Variants in JPH1 observed in about 807,000 individuals in gnomAD.
JPH1 encodes junctophilin 1.
Under a neutral mutation model 53.6 loss-of-function variants are expected in JPH1, and 12 were observed. The ratio of observed to expected loss-of-function variants is 0.22; its 90% confidence interval spans 0.14 to 0.36. The LOEUF (loss-of-function observed/expected upper bound fraction) is 0.36. JPH1 is among the 10% of genes least tolerant of loss of function. JPH1 has a pLI of 1.00. For missense variants in JPH1, 808 were observed against 905.5 expected (o/e 0.89, Z 1.38); for synonymous variants, 375 against 363.8 (o/e 1.03, Z -0.35).
rs751058709 is a variant in JPH1, at chr8:74,315,070, A to G, written c.930T>C (p.Asn310=). ...NGMKYEGEWA[N]NKRHGYGCTV... ...TACAGCCATATCCATGCCTCTTGTTATTTGCCCACTCCCCTTCATACTTCA... is the reference window on the plus strand; with the variant it reads ...TACAGCCATATCCATGCCTCTTGTTGTTTGCCCACTCCCCTTCATACTTCA... Residue 310 remains asparagine, a synonymous_variant, in exon 2 of 6, where the codon AAT becomes AAC. Coordinates refer to ENST00000342232, the MANE Select transcript of JPH1 (RefSeq NM_020647.4). The surrounding 1 kb of genome is among the most constrained non-coding windows in gnomAD (Gnocchi z 6.3). The G allele has an allele frequency of 3.1e-6, 5 of 1,613,958 alleles. No homozygotes were observed. The highest frequency in any genetic ancestry group is 4.2e-6 in the Non-Finnish European group (5 of 1,180,026).
In JPH1 at chr8:74,320,635, T is replaced by C. The variant is rs1439763172; in HGVS notation, c.379+274A>G. Reference sequence around the variant, plus strand: ...CTCCCTCCCGGTGGCAGCGCAGCGCTGGCGCCGGCCAGGTACATTCACGCC... The same window carrying C: ...CTCCCTCCCGGTGGCAGCGCAGCGCCGGCGCCGGCCAGGTACATTCACGCC... On this transcript the variant is annotated intron_variant, in intron 1 of 5. Transcript: ENST00000342232. The surrounding 1 kb of genome is among the most constrained non-coding windows in gnomAD (Gnocchi z 4.4). Among the ~76,000 whole-genome samples, 1 of 152,140 alleles carries C rather than the reference T, an allele frequency of 6.6e-6. No homozygotes were observed. Among genetic ancestry groups the C allele is most frequent in the East Asian group, 1.9e-4 (1 of 5,168 alleles).
intron 3 of JPH1, among the ~76,000 whole-genome samples, chr8:74,255,914 A>G (rs1408931751): frequency 6.6e-6 from 1 of 152,206 alleles, no homozygotes; most frequent in Non-Finnish European, 1.5e-5. Flanking sequence ...GAGGATGTGG[A>G]GAAATAGGAA....
chr8:74,321,493 C>T lies in JPH1; in HGVS notation c.-206G>A. Reference sequence around the variant, plus strand: ...CGCCACCGCCGCCTTCCTCCTCCTCCTCCTCCTCCTTCGCCGCCGCCGCCT... The same window carrying T: ...CGCCACCGCCGCCTTCCTCCTCCTCTTCCTCCTCCTTCGCCGCCGCCGCCT... On this transcript the variant is annotated 5_prime_UTR_variant, in exon 1 of 6. Coordinates refer to ENST00000342232, the MANE Select transcript of JPH1 (RefSeq NM_020647.4). The surrounding 1 kb of genome is among the most constrained non-coding windows in gnomAD (Gnocchi z 4.3). 1 of 488,630 alleles carries T rather than the reference C, an allele frequency of 2.0e-6. No individual in the cohort carries two copies. Among genetic ancestry groups the T allele is most frequent in the Non-Finnish European group, 3.4e-6 (1 of 291,350 alleles). The allele number at this position is 488,630 out of a possible 1,614,324, so 30.3% of individuals were successfully genotyped here.
intron 3 of JPH1, among the ~76,000 whole-genome samples, chr8:74,247,303 A>G (rs1805886775): frequency 6.6e-6 from 1 of 152,194 alleles, no homozygotes; most frequent in South Asian, 2.1e-4. Context: ...ACTGATATTC[A>G]ACTTCATAGC....
chr8:74,236,930 G>A lies in JPH1; in HGVS notation c.*121C>T, dbSNP rs1389632370. On this transcript the variant is annotated 3_prime_UTR_variant, in exon 6 of 6. Coordinates refer to ENST00000342232, the MANE Select transcript of JPH1 (RefSeq NM_020647.4). ...TCTCGCGATCCCATCCTAATTCCAA[G>A]CCTCCTTCCCTGTGTCTGAGTCTGC... 2 of 265,826 alleles carry A rather than the reference G, an allele frequency of 7.5e-6. No homozygotes were observed. Among genetic ancestry groups the A allele is most frequent in the Non-Finnish European group, 1.4e-5 (2 of 142,404 alleles). The allele number at this position is 265,826 out of a possible 1,614,324, so 16.5% of individuals were successfully genotyped here.
intron 2 of JPH1, among the ~76,000 whole-genome samples, chr8:74,274,097 C>G (rs1586750906): frequency 1.3e-5 from 2 of 152,284 alleles, no homozygotes; most frequent in East Asian, 3.9e-4. Context: ...CACCTTTTCC[C>G]TTTTTGACAT....
intron 2 of JPH1, among the ~76,000 whole-genome samples, chr8:74,292,170 TATA>T (rs1205604564): frequency 6.6e-6 from 1 of 152,062 alleles, no homozygotes; most frequent in Non-Finnish European, 1.5e-5. Context: ...AACTTAAAAG[TATA>T]ATAATAATAA....
chr8:74,258,592 T>C lies in JPH1; in HGVS notation c.1258+793A>G, dbSNP rs79095162. Among the ~76,000 whole-genome samples, 9 of 152,310 alleles carry C rather than the reference T, an allele frequency of 5.9e-5. No homozygotes were observed. In the East Asian group the frequency reaches 1.4e-3, roughly 23 times the overall value. On this transcript the variant is annotated intron_variant, in intron 3 of 5. Transcript: ENST00000342232. ...TGTGCAGATTAATCTCTTTAAGTGGTATGCTGCTATACTTCCTAACCACAG... is the reference window on the plus strand; with the variant it reads ...TGTGCAGATTAATCTCTTTAAGTGGCATGCTGCTATACTTCCTAACCACAG...
chr8:74,261,920 TACC>T (rs1282903520), intron 2 of JPH1, among the ~76,000 whole-genome samples: 9 of 152,228 alleles, frequency 5.9e-5, no homozygotes, highest in Non-Finnish European at 1.3e-4. Context: ...GTAGTATATC[TACC>T]ACTTTTTATA....
At chr8:74,252,897 C>A (rs1025210936) in intron 3 of JPH1, among the ~76,000 whole-genome samples, 1 of 152,004 alleles carries the variant, frequency 6.6e-6, no homozygotes, top group African/African-American at 2.4e-5. Flanking sequence ...TAAAGCAAGT[C>A]CTTAGTGACC....
At chr8:74,262,976 A>G (rs148366334) in intron 2 of JPH1, among the ~76,000 whole-genome samples, 2,003 of 152,370 alleles carry the variant, frequency 0.013, 40 homozygotes, top group South Asian at 0.072. Context: ...TCTTTTCTTT[A>G]ATAACTGAAA....
At chr8:74,312,155 A>T (rs1179006435) in intron 2 of JPH1, among the ~76,000 whole-genome samples, 1 of 152,196 alleles carries the variant, frequency 6.6e-6, no homozygotes, top group Non-Finnish European at 1.5e-5. Context: ...AGGTTAATTG[A>T]ATATATTTAT....
At chr8:74,277,952 T>C (rs1337661832) in intron 2 of JPH1, among the ~76,000 whole-genome samples, 4 of 152,202 alleles carry the variant, frequency 2.6e-5, no homozygotes, top group African/African-American at 9.7e-5. Flanking sequence ...GCTTTTTTTG[T>C]TGTTGTTAAG....
Position 74,244,837 on chromosome 8 carries a change from A to G in JPH1, c.1597T>C (p.Ser533Pro), listed in dbSNP as rs1805806263. 6.2e-7 allele frequency: 1 copy of G among 1,614,012 alleles called. No homozygotes were observed. Among genetic ancestry groups the G allele is most frequent in the Admixed American group, 1.7e-5 (1 of 59,998 alleles). ...AGAVVPQSKY[S>P]GRHHIPNPSN... ...GGGTTGGGGATGTGGTGGCGGCCAG[A>G]GTACTTGGACTGGGGCACAACCGCT... The change falls in exon 4 of 6, where the codon TCT becomes CCT. Residue 533 changes from serine to proline, a missense_variant. Ser to Pro is a moderately conservative substitution (Grantham distance 74). Around this residue, in one of 2 missense-constraint regions of JPH1, gnomAD observed 756 missense variants for 811.9 expected, o/e 0.93. Coordinates refer to ENST00000342232, the MANE Select transcript of JPH1 (RefSeq NM_020647.4).
chr8:74,266,225 G>A (rs545289361), intron 2 of JPH1, among the ~76,000 whole-genome samples: 2 of 151,918 alleles, frequency 1.3e-5, no homozygotes, highest in East Asian at 1.9e-4. Context: ...CAATCCTAAT[G>A]TCAATGAATG....
In JPH1 at chr8:74,321,314, C is replaced by A. The variant is rs1223682916; in HGVS notation, c.-27G>T. 5 of 1,508,778 alleles carry A rather than the reference C, an allele frequency of 3.3e-6. No individual in the cohort carries two copies. The highest frequency in any genetic ancestry group is 2.4e-5 in the East Asian group (1 of 40,952). 93.5% of individuals were successfully genotyped at this position (1,508,778 alleles called of 1,614,324 possible). On this transcript the variant is annotated 5_prime_UTR_variant, in exon 1 of 6. Coordinates refer to ENST00000342232, the MANE Select transcript of JPH1 (RefSeq NM_020647.4). The surrounding 1 kb of genome is among the most constrained non-coding windows in gnomAD (Gnocchi z 4.3). ...CGGGGGGCAGCCCCGGCGCGCTCCC[C>A]GCAGGGGCACGGACGCGGGCAGTGC...
At chr8:74,280,473 G>A (rs983657433) in intron 2 of JPH1, among the ~76,000 whole-genome samples, 6 of 152,084 alleles carry the variant, frequency 3.9e-5, no homozygotes, top group Admixed American at 6.5e-5. Context: ...CATAATATTG[G>A]TTTTTAATTT....
chr8:74,316,325 T>C (rs761123507), intron 1 of JPH1, among the ~76,000 whole-genome samples: 7 of 152,226 alleles, frequency 4.6e-5, no homozygotes, highest in Non-Finnish European at 8.8e-5. Flanking sequence ...TTTGTGCTTC[T>C]AAGTGAAAAG....
intron 2 of JPH1, among the ~76,000 whole-genome samples, chr8:74,296,205 G>A (rs1807517764): frequency 6.6e-6 from 1 of 152,126 alleles, no homozygotes; most frequent in African/African-American, 2.4e-5. Flanking sequence ...GCTGGGTCCC[G>A]TGCAAGGTAT....
Sources: gnomAD v4.1 joint callset for allele counts (sites outside exome capture counted in the v4.1 genomes callset) on GRCh38, gnomAD v4.1.1 for gene constraint, gnomAD v4.1.1 regional missense constraint, Gnocchi (gnomAD v3.1) non-coding constraint, MANE v1.5 for transcripts, NCBI Gene and HGNC (gene_info 2026-07-23, HGNC 2026-07-21) for gene names.